Variants in FBXL13 observed in about 807,000 individuals in gnomAD.
FBXL13 encodes the protein F-box and leucine-rich repeat protein 13.
Under a neutral mutation model 83.6 loss-of-function variants are expected in FBXL13, and 67 were observed. That is an observed-to-expected ratio of 0.80 (90% CI 0.66 to 0.98). FBXL13 has a LOEUF of 0.98. FBXL13 is among the 50% of genes least tolerant of loss of function. The pLI, the probability that FBXL13 is intolerant of heterozygous loss-of-function variation, is 0.00. For missense variants in FBXL13, 822 were observed against 866.5 expected (o/e 0.95, Z 0.64); for synonymous variants, 272 against 299.5 (o/e 0.91, Z 0.95).
At chr7:103,020,372 T>C (rs532997174) in intron 6 of FBXL13, among the ~76,000 whole-genome samples, 47 of 152,322 alleles carry the variant, frequency 3.1e-4, no homozygotes, top group Non-Finnish European at 5.1e-4. Context: ...AATATCATAA[T>C]GAATGAGCAA....
chr7:103,003,740 G>C (rs1303859454), intron 6 of FBXL13, among the ~76,000 whole-genome samples: 2 of 151,916 alleles, frequency 1.3e-5, no homozygotes, highest in Non-Finnish European at 2.9e-5. Context: ...TGCAACACCT[G>C]GCTAATTTTT....
chr7:102,889,666 G>A (rs1584795822), intron 11 of FBXL13, among the ~76,000 whole-genome samples: 1 of 151,990 alleles, frequency 6.6e-6, no homozygotes, highest in East Asian at 1.9e-4. Flanking sequence ...GCAGTGTTTG[G>A]TTTTTTGTCC....
chr7:103,020,658 C>T (rs1311899265), intron 6 of FBXL13, among the ~76,000 whole-genome samples: 3 of 152,084 alleles, frequency 2.0e-5, no homozygotes, highest in Non-Finnish European at 4.4e-5. Context: ...AATCAATGTG[C>T]AAAAAACACA....
chr7:102,910,119 C>T (rs570094909), intron 11 of FBXL13, among the ~76,000 whole-genome samples: 6 of 152,200 alleles, frequency 3.9e-5, no homozygotes, highest in African/African-American at 9.6e-5. Flanking sequence ...ATGCTCCCTC[C>T]GTGGGTGGGC....
chr7:102,841,485 G>A (rs895244567), intron 17 of FBXL13, among the ~76,000 whole-genome samples: 2 of 152,216 alleles, frequency 1.3e-5, no homozygotes, highest in Non-Finnish European at 1.5e-5. Context: ...GAGTGGGCAA[G>A]AAGCCAGGAC....
chr7:102,924,780 A>G (rs1817755664), intron 10 of FBXL13, among the ~76,000 whole-genome samples: 1 of 151,524 alleles, frequency 6.6e-6, no homozygotes, highest in Admixed American at 6.6e-5. Flanking sequence ...AGCTGGGACT[A>G]CAGGCACCCA....
intron 8 of FBXL13, chr7:102,944,073 AAAG>A: frequency 1.5e-6 from 1 of 679,722 alleles, no homozygotes; most frequent in Non-Finnish European, 2.3e-6. Flanking sequence ...GCTCTGAGAA[AAAG>A]AAAGGAAAAG....
chr7:102,826,724 CATATATA>C (rs1369159086), intron 18 of FBXL13, among the ~76,000 whole-genome samples: 8 of 62,732 alleles, frequency 1.3e-4, no homozygotes, highest in Admixed American at 4.8e-4. Context: ...GACCCTGTCT[CATATATA>C]TATATATATA....
chr7:102,867,689 ATATATATTTTTT>A (rs1191429622), intron 16 of FBXL13, among the ~76,000 whole-genome samples: 1 of 75,684 alleles, frequency 1.3e-5, no homozygotes, highest in African/African-American at 8.1e-5. Flanking sequence ...ATATATATAT[ATATATATTTTTT>A]TTTTTTTTTT....
intron 6 of FBXL13, among the ~76,000 whole-genome samples, chr7:102,983,214 T>C (rs1008728631): frequency 6.6e-6 from 1 of 152,080 alleles, no homozygotes; most frequent in Non-Finnish European, 1.5e-5. Flanking sequence ...AATTTCCTCA[T>C]GCAGTGTAGC....
chr7:103,024,994 G>A (rs1793737849), intron 6 of FBXL13, 69 bp downstream of exon 7: 1 of 1,223,078 alleles, frequency 8.2e-7, no homozygotes. Context: ...CCAAGCAGCT[G>A]GGATTACAGG....
At chr7:103,055,840 G>GT (rs1226650830) in intron 1 of FBXL13, 93 bp from the exon 2 acceptor site, 3 of 519,496 alleles carry the variant, frequency 5.8e-6, no homozygotes, top group Non-Finnish European at 9.5e-6. Context: ...TTTGTTTTGG[G>GT]TTTTTTTGGT....
chr7:102,976,317 C>T, intron 6 of FBXL13: 1 of 645,016 alleles, frequency 1.6e-6, no homozygotes, highest in Non-Finnish European at 2.8e-6. Context: ...CCTCCCAAGT[C>T]TCTATTGTGG....
chr7:102,879,434 T>A (rs1027228908), intron 14 of FBXL13, among the ~76,000 whole-genome samples: 3 of 139,904 alleles, frequency 2.1e-5, no homozygotes, highest in African/African-American at 8.2e-5. Flanking sequence ...GGAAAGCAGT[T>A]AAGGATGTGT....
intron 11 of FBXL13, among the ~76,000 whole-genome samples, chr7:102,910,833 G>A (rs1419503947): frequency 2.0e-5 from 3 of 152,120 alleles, no homozygotes; most frequent in African/African-American, 4.8e-5. Context: ...ATCACAGCTC[G>A]CTGCAGCCTC....
rs187163953 is a variant in FBXL13, at chr7:102,819,677, C to A, written c.2018+2363G>T. Among the ~76,000 whole-genome samples, 205 of 152,262 alleles carry A rather than the reference C, an allele frequency of 1.3e-3. 1 individual carries two copies. The highest frequency in any genetic ancestry group is 2.4e-3 in the Non-Finnish European group (161 of 68,016). On this transcript the variant is annotated intron_variant, in intron 19 of 19. Coordinates refer to ENST00000313221, the Ensembl canonical transcript of FBXL13. ...TGCTTTGTGATTCAAAGACATTGAG[C>A]TTCTTCCCAAGCCAGAAAAATCTCT...
rs190517934 is a variant in FBXL13, at chr7:102,860,497, G to C, written c.1636-5637C>G. Among the ~76,000 whole-genome samples the C allele has an allele frequency of 2.6e-5, 4 of 152,272 alleles. No individual in the cohort carries two copies. The East Asian group carries it at 7.7e-4, about 29-fold the overall frequency. On this transcript the variant is annotated intron_variant, in intron 16 of 19. Coordinates refer to ENST00000313221, the Ensembl canonical transcript of FBXL13. ...GAGTTGTTGGGAAGTAGTTCAGTTT[G>C]GGGTCACTGGGAGTAGTGGGAGGGA...
At chr7:103,045,331 G>A (rs1264986206) in intron 2 of FBXL13, among the ~76,000 whole-genome samples, 1 of 152,140 alleles carries the variant, frequency 6.6e-6, no homozygotes, top group African/African-American at 2.4e-5. Context: ...GTTGCAGTTC[G>A]TCCACAAAGA....
At chr7:102,867,695 A>ATATATATATTTTTTTT (rs1239781180) in intron 16 of FBXL13, among the ~76,000 whole-genome samples, 1 of 49,078 alleles carries the variant, frequency 2.0e-5, no homozygotes, top group African/African-American at 1.2e-4. Context: ...ATATATATAT[A>ATATATATATTTTTTTT]TTTTTTTTTT....
Sources: allele counts gnomAD v4.1 joint callset (sites outside exome capture counted in the v4.1 genomes callset), GRCh38; gene constraint gnomAD v4.1.1; transcripts MANE v1.5; gene names NCBI Gene and HGNC (gene_info 2026-07-23, HGNC 2026-07-21).